The following POLD3 variants were observed in gnomAD, a reference collection of about 807,000 sequenced individuals.
The protein encoded by POLD3 is DNA polymerase delta 3, accessory subunit.
Under a neutral mutation model 58.2 loss-of-function variants are expected in POLD3, and 19 were observed. That is an observed-to-expected ratio of 0.33 (90% CI 0.23 to 0.48). The LOEUF (loss-of-function observed/expected upper bound fraction) is 0.48, where lower values mean the gene tolerates loss of function less well. Ranked by LOEUF, POLD3 falls within the 20% of genes least tolerant of loss-of-function variation. The probability of loss-of-function intolerance (pLI) is 0.99; values close to 1 mark genes in which losing one functional copy is unlikely to be tolerated. For missense variants in POLD3, 504 were observed against 545.5 expected (o/e 0.92, Z 0.76); for synonymous variants, 172 against 193.5 (o/e 0.89, Z 0.92).
chr11:74,607,243 TA>T (rs1477648030), intron 3 of POLD3, among the ~76,000 whole-genome samples: 12 of 97,698 alleles, frequency 1.2e-4, no homozygotes, highest in African/African-American at 3.2e-4. Flanking sequence ...ATTATTATTA[TA>T]TATTTATTTA....
chr11:74,629,401 T>C (rs2032524950), intron 9 of POLD3, 78 bp downstream of exon 9: 2 of 756,958 alleles, frequency 2.6e-6, no homozygotes, highest in Non-Finnish European at 4.5e-6. Flanking sequence ...AGTAATGGAT[T>C]AAGGATCACA....
chr11:74,602,756 ATG>A (rs1375469237), intron 2 of POLD3, among the ~76,000 whole-genome samples: 6 of 152,172 alleles, frequency 3.9e-5, no homozygotes, highest in Non-Finnish European at 8.8e-5. Context: ...ACAAAGCCCT[ATG>A]TGCCTGGCAC....
intron 3 of POLD3, among the ~76,000 whole-genome samples, chr11:74,610,011 C>A (rs1007880831): frequency 6.6e-6 from 1 of 152,176 alleles, no homozygotes; most frequent in East Asian, 1.9e-4. Flanking sequence ...TTTAGGGTTA[C>A]ATTCCTAGAG....
At chr11:74,661,023 A>G (rs2033199638) in intron 4 of POLD3, among the ~76,000 whole-genome samples, 2 of 150,108 alleles carry the variant, frequency 1.3e-5, no homozygotes, top group South Asian at 2.1e-4. Context: ...GCATTTTTCA[A>G]CTCCAGAATT....
chr11:74,632,512 G>A (rs1030208999), intron 9 of POLD3, among the ~76,000 whole-genome samples: 1 of 152,144 alleles, frequency 6.6e-6, no homozygotes, highest in Non-Finnish European at 1.5e-5. Context: ...ATGGCGGCAC[G>A]TTTAAACAAA....
chr11:74,649,442 G>A (rs1325533627), intron 4 of POLD3, among the ~76,000 whole-genome samples: 1 of 152,128 alleles, frequency 6.6e-6, no homozygotes, highest in African/African-American at 2.4e-5. Context: ...TTCCAGTGGC[G>A]TGGAGTGTTG....
chr11:74,620,590 G>A (rs923680871), intron 7 of POLD3, among the ~76,000 whole-genome samples: 4 of 152,162 alleles, frequency 2.6e-5, no homozygotes, highest in African/African-American at 7.2e-5. Flanking sequence ...AAGGGCCCAA[G>A]TAGTAATGGA....
downstream of POLD3, among the ~76,000 whole-genome samples, chr11:74,669,316 C>A (rs1032685021): frequency 2.6e-5 from 4 of 152,188 alleles, no homozygotes; most frequent in Non-Finnish European, 2.9e-5. Flanking sequence ...TGCAGGAGGC[C>A]AATAAAATGG....
At chr11:74,617,939 A>T (rs993927414) in intron 5 of POLD3, among the ~76,000 whole-genome samples, 7 of 152,052 alleles carry the variant, frequency 4.6e-5, no homozygotes, top group Non-Finnish European at 8.8e-5. Context: ...GGCCCATCTT[A>T]AATTCCTAGG....
intron 5 of POLD3, among the ~76,000 whole-genome samples, chr11:74,617,251 C>T (rs1462282975): frequency 6.6e-6 from 1 of 152,126 alleles, no homozygotes; most frequent in South Asian, 2.1e-4. Flanking sequence ...CTTTAATATG[C>T]CACACAAGCT....
chr11:74,593,937 CATTT>C, intron 1 of POLD3, 120 bp from the exon 2 acceptor site: 1 of 603,090 alleles, frequency 1.7e-6, no homozygotes, highest in African/African-American at 1.9e-5. Context: ...ACTGCAGTGG[CATTT>C]ATTGTAATTT....
intron 10 of POLD3, among the ~76,000 whole-genome samples, chr11:74,635,749 GGGCATATGCCACAGAAATCCCT>G (rs1167802494): frequency 1.3e-5 from 2 of 152,172 alleles, no homozygotes; most frequent in Non-Finnish European, 2.9e-5. Flanking sequence ...TCTACAGCAA[GGGCATATGCCACAGAAATCCCT>G]GGTGTGGTTT....
At chr11:74,631,042 A>G (rs1483588237) in intron 9 of POLD3, among the ~76,000 whole-genome samples, 1 of 152,228 alleles carries the variant, frequency 6.6e-6, no homozygotes, top group African/African-American at 2.4e-5. Context: ...TGGCAAAGAT[A>G]ATTTTTGGCA....
chr11:74,607,240 T>TATATATATATATATATA (rs761011170), intron 3 of POLD3, among the ~76,000 whole-genome samples: 14 of 61,912 alleles, frequency 2.3e-4, no homozygotes, highest in South Asian at 1.8e-3. Context: ...ATTATTATTA[T>TATATATATATATATATA]TATATATTTA....
chr11:74,617,668 G>A (rs895397086), intron 5 of POLD3, among the ~76,000 whole-genome samples: 1 of 152,150 alleles, frequency 6.6e-6, no homozygotes, highest in South Asian at 2.1e-4. Context: ...CCAAAGTGCT[G>A]GGATTACAGG....
At chr11:74,644,222 G>C (rs2032972115), downstream of POLD3, among the ~76,000 whole-genome samples, 1 of 152,188 alleles carries the variant, frequency 6.6e-6, no homozygotes, top group African/African-American at 2.4e-5. Flanking sequence ...AGTTTCTCCA[G>C]GACATGAGTA....
At chr11:74,645,288 T>G (rs2032985331), downstream of POLD3, among the ~76,000 whole-genome samples, 1 of 152,264 alleles carries the variant, frequency 6.6e-6, no homozygotes, top group Admixed American at 6.5e-5. Flanking sequence ...ATTCACGGTG[T>G]AAGTAAACCA....
At chr11:74,632,353 G>T (rs937182381) in intron 9 of POLD3, among the ~76,000 whole-genome samples, 1 of 152,146 alleles carries the variant, frequency 6.6e-6, no homozygotes, top group African/African-American at 2.4e-5. Context: ...CTTACCTTTT[G>T]CTTGAAGAGC....
intron 3 of POLD3, among the ~76,000 whole-genome samples, chr11:74,611,284 T>C (rs1407801253): frequency 6.6e-6 from 1 of 152,198 alleles, no homozygotes; most frequent in Non-Finnish European, 1.5e-5. Flanking sequence ...TCCTTAACCT[T>C]ATTGAGAAGT....
Sources: gnomAD v4.1 joint callset for allele counts (sites outside exome capture counted in the v4.1 genomes callset) on GRCh38, gnomAD v4.1.1 for gene constraint, MANE v1.5 for transcripts, NCBI Gene and HGNC (gene_info 2026-07-23, HGNC 2026-07-21) for gene names.